The following SCIMP variants were observed in gnomAD, a reference collection of about 807,000 sequenced individuals.
The protein encoded by SCIMP is SLP adaptor and CSK interacting membrane protein, also known as SLP adapter and CSK-interacting membrane protein.
SCIMP carries 18 observed loss-of-function variants against 22.0 expected under a neutral mutation model. The ratio of observed to expected loss-of-function variants is 0.82; its 90% CI spans 0.56 to 1.21. SCIMP has a LOEUF of 1.21. Ranked by LOEUF, SCIMP falls within the 50% of genes most tolerant of loss-of-function variation. The pLI is 0.00. For synonymous variants in SCIMP, 53 were observed against 62.2 expected (o/e 0.85, Z 0.70); for missense variants, 155 against 171.2 (o/e 0.91, Z 0.53).
chr17:5,220,539 T>C (rs1418987934), intron 3 of SCIMP, among the ~76,000 whole-genome samples: 4 of 148,650 alleles, frequency 2.7e-5, no homozygotes, highest in Non-Finnish European at 5.9e-5. Context: ...GAGTTTGAGA[T>C]CAGCCTGGCT....
chr17:5,224,437 AGTTTTTTT>A lies in SCIMP; in HGVS notation c.22-989_22-982del, dbSNP rs1390169993. Among the ~76,000 whole-genome samples the A allele has an allele frequency of 3.7e-3, 391 of 104,880 alleles. 4 individuals are homozygous for A. Among genetic ancestry groups the A allele is most frequent in the Non-Finnish European group, 3.4e-3 (168 of 49,162 alleles). 68.8% of individuals were successfully genotyped at this position (104,880 alleles called of 152,430 possible). ...CAGGCGTGAGCCACTGCACCAGGCCAGTTTTTTTGTTTGTTTGTTTGTTTGTTTGTTTG... is the reference window on the plus strand; with the variant it reads ...CAGGCGTGAGCCACTGCACCAGGCCAGTTTGTTTGTTTGTTTGTTTGTTTG... On this transcript the variant is annotated intron_variant, in intron 1 of 4. Transcript: ENST00000574081.
At chr17:5,227,215 C>T (rs1364350227) in intron 1 of SCIMP, among the ~76,000 whole-genome samples, 1 of 151,600 alleles carries the variant, frequency 6.6e-6, no homozygotes, top group African/African-American at 2.4e-5. Context: ...CCAAGGCAGG[C>T]GGATCACTTG....
intron 3 of SCIMP, among the ~76,000 whole-genome samples, chr17:5,218,839 G>A (rs1388285459): frequency 6.6e-6 from 1 of 152,084 alleles, no homozygotes; most frequent in East Asian, 1.9e-4. Flanking sequence ...GTCCAGGCTG[G>A]TCTTGAACTC....
At position 5,231,776 on chromosome 17, in the gene SCIMP, G is replaced by A. The variant is rs117100997; in HGVS notation, c.21+2959C>T. On this transcript the variant is annotated intron_variant, in intron 1 of 4. Coordinates refer to ENST00000574081, the MANE Select transcript of SCIMP (RefSeq NM_207103.3). Reference sequence around the variant, plus strand: ...GTGCTGCAAAACTGGTCATCTTGGCGGGACGCGGTGGCTCACGCCTGTAAT... The same window carrying A: ...GTGCTGCAAAACTGGTCATCTTGGCAGGACGCGGTGGCTCACGCCTGTAAT... 2.0e-3 allele frequency among the ~76,000 whole-genome samples: 301 copies of A among 152,212 alleles called. 6 individuals are homozygous for A. The East Asian group carries it at 0.049, about 25-fold the overall frequency.
intron 1 of SCIMP, among the ~76,000 whole-genome samples, chr17:5,230,723 C>T (rs2074687261): frequency 6.6e-6 from 1 of 151,920 alleles, no homozygotes; most frequent in African/African-American, 2.4e-5. Flanking sequence ...GAGTTCAAGA[C>T]CAGCCTAGGC....
intron 1 of SCIMP, among the ~76,000 whole-genome samples, chr17:5,229,159 C>T (rs1200578640): frequency 1.3e-5 from 2 of 152,002 alleles, no homozygotes; most frequent in Non-Finnish European, 2.9e-5. Flanking sequence ...TTGTCCATGA[C>T]ATTTTCAAGG....
rs2144298181 is a variant in SCIMP, at chr17:5,210,562, A to T, written c.*239T>A. 1 of 459,312 alleles carries T rather than the reference A, an allele frequency of 2.2e-6. No individual in the cohort carries two copies. The allele number at this position is 459,312 out of a possible 1,614,324, so 28.5% of individuals were successfully genotyped here. ...CCATGGAAAGTTTCCTCAACAGCAC[A>T]AGGCTGACCCCTCTAAGTCCTCAGA... is the stretch of plus-strand genomic sequence containing the variant. On this transcript the variant is annotated 3_prime_UTR_variant, in exon 5 of 5. Coordinates refer to ENST00000574081, the MANE Select transcript of SCIMP (RefSeq NM_207103.3).
At chr17:5,219,917 G>A (rs544211821) in intron 3 of SCIMP, among the ~76,000 whole-genome samples, 7 of 152,310 alleles carry the variant, frequency 4.6e-5, no homozygotes, top group East Asian at 1.9e-4. Context: ...CTCTCTGTGC[G>A]ACTTCACTGG....
chr17:5,223,487 A>G (rs2074623799), intron 1 of SCIMP, 31 bp from the exon 2 acceptor site: 2 of 1,611,108 alleles, frequency 1.2e-6, no homozygotes, highest in Non-Finnish European at 8.5e-7. Context: ...AGAATGAGGT[A>G]TGAATGAAAG....
intron 1 of SCIMP, among the ~76,000 whole-genome samples, chr17:5,233,247 A>T (rs887690503): frequency 6.6e-6 from 1 of 152,076 alleles, no homozygotes; most frequent in Non-Finnish European, 1.5e-5. Flanking sequence ...CTCCAAATGT[A>T]GTCCAAGTCC....
intron 4 of SCIMP, chr17:5,213,025 C>CTTTTTTTTTTTTTTTTTTTTTTTTTT (rs1555612864): frequency 2.0e-5 from 12 of 586,510 alleles, no homozygotes; most frequent in African/African-American, 1.5e-4. Context: ...GTGGTAACTT[C>CTTTTTTTTTTTTTTTTTTTTTTTTTT]TGAGCTGACA....
chr17:5,221,860 C>T (rs745417188), intron 2 of SCIMP, among the ~76,000 whole-genome samples: 2 of 152,126 alleles, frequency 1.3e-5, no homozygotes, highest in Non-Finnish European at 2.9e-5. Context: ...GCAACCTCTG[C>T]TCCCTGGGTT....
chr17:5,211,070 C>T, intron 4 of SCIMP, 115 bp from the exon 5 acceptor site: 1 of 1,436,894 alleles, frequency 7.0e-7, no homozygotes. Context: ...TCTAGTGGGC[C>T]AGATCCCCAT....
At chr17:5,234,451 A>G in intron 1 of SCIMP, 1 of 489,276 alleles carries the variant, frequency 2.0e-6, no homozygotes, top group Non-Finnish European at 3.7e-6. Context: ...ATCTCATTTC[A>G]ATCCAAGAGG....
chr17:5,215,053 C>T, intron 3 of SCIMP, 55 bp from the exon 4 acceptor site: 1 of 1,102,708 alleles, frequency 9.1e-7, no homozygotes, highest in Non-Finnish European at 1.4e-6. Flanking sequence ...TGCCTGCTCC[C>T]AGCCGATTTA....
At position 5,232,035 on chromosome 17, in the gene SCIMP, G is replaced by A. The variant is rs190522947; in HGVS notation, c.21+2700C>T. On this transcript the variant is annotated intron_variant, in intron 1 of 4. Transcript: ENST00000574081. ...TGCGCCACTGCACTCCAGCCTGGGC[G>A]ACAGAGCGAGACTCCGTCTCAAAAA... Among the ~76,000 whole-genome samples, 14 of 150,702 alleles carry A rather than the reference G, an allele frequency of 9.3e-5. No homozygotes were observed. In the East Asian group the frequency reaches 9.7e-4, roughly 10 times the overall value.
intron 1 of SCIMP, 63 bp downstream of exon 1, chr17:5,234,672 C>T (rs1463817591): frequency 5.1e-6 from 8 of 1,566,964 alleles, no homozygotes; most frequent in Non-Finnish European, 5.2e-6. Context: ...CTGATGCCAG[C>T]GCTGGCAGAT....
rs535071308 is a variant in SCIMP at position 5,213,197 on chromosome 17, C to T, written c.283+1728G>A. The T allele has an allele frequency of 1.3e-4, 131 of 985,038 alleles. 1 individual carries two copies. In the South Asian group the frequency reaches 4.2e-3, roughly 32 times the overall value. 61.0% of individuals were successfully genotyped at this position (985,038 alleles called of 1,614,324 possible). On this transcript the variant is annotated intron_variant, in intron 4 of 4. Coordinates refer to ENST00000574081, the MANE Select transcript of SCIMP (RefSeq NM_207103.3). ...GCTGGGATTTGAACATGAATTTACA[C>T]CCTTATATCAGGCTATTGGGTGCGT...
At chr17:5,217,372 T>C (rs1424038704) in intron 3 of SCIMP, among the ~76,000 whole-genome samples, 2 of 137,260 alleles carry the variant, frequency 1.5e-5, no homozygotes, top group Non-Finnish European at 3.1e-5. Flanking sequence ...TTATTCTTTT[T>C]TGTTTGCTTG....
Sources: allele counts gnomAD v4.1 joint callset (sites outside exome capture counted in the v4.1 genomes callset), GRCh38; gene constraint gnomAD v4.1.1; transcripts MANE v1.5; gene names NCBI Gene and HGNC (gene_info 2026-07-23, HGNC 2026-07-21).